Variants in NAV3 observed in about 807,000 individuals in gnomAD.
The protein encoded by NAV3 is pore membrane and/or filament interacting like protein 1.
In NAV3, 87 loss-of-function variants were observed where a neutral mutation model predicts 244.7. The observed-to-expected ratio is 0.36, with a 90% confidence interval of 0.30 to 0.42. NAV3 has a LOEUF of 0.42. NAV3 is among the 20% of genes least tolerant of loss of function. The pLI is 1.00. For missense variants in NAV3, 2,663 were observed against 2,893.3 expected (o/e 0.92, Z 1.83); for synonymous variants, 1,126 against 1,042.2 (o/e 1.08, Z -1.55).
chr12:77,690,209 A>C (rs1464176495), intron 2 of NAV3, among the ~76,000 whole-genome samples: 1 of 151,800 alleles, frequency 6.6e-6, no homozygotes, highest in Non-Finnish European at 1.5e-5. Context: ...CAGTTTTACA[A>C]GTTGTTCTGA....
intron 2 of NAV3, among the ~76,000 whole-genome samples, chr12:77,750,502 C>T (rs1868793618): frequency 6.6e-6 from 1 of 151,570 alleles, no homozygotes; most frequent in African/African-American, 2.4e-5. Context: ...TGGGAATAGC[C>T]ATTGCACTCC....
intron 2 of NAV3, among the ~76,000 whole-genome samples, chr12:77,640,114 AGTTT>A (rs755875773): frequency 6.6e-6 from 1 of 152,156 alleles, no homozygotes; most frequent in Non-Finnish European, 1.5e-5. Flanking sequence ...ATACACATGT[AGTTT>A]GTTTGTTCCC....
intron 2 of NAV3, among the ~76,000 whole-genome samples, chr12:77,656,924 C>A (rs998914030): frequency 2.0e-5 from 3 of 152,030 alleles, no homozygotes; most frequent in Non-Finnish European, 4.4e-5. Flanking sequence ...AACAAAGACA[C>A]AACATACCAG....
chr12:77,768,439 G>T (rs1869897326), intron 2 of NAV3, among the ~76,000 whole-genome samples: 1 of 152,196 alleles, frequency 6.6e-6, no homozygotes, highest in Non-Finnish European at 1.5e-5. Context: ...GCTGCCCTTA[G>T]TGCCCCCTCG....
At chr12:77,905,904 C>T (rs796268898) in intron 1 of NAV3, among the ~76,000 whole-genome samples, 8 of 152,224 alleles carry the variant, frequency 5.3e-5, no homozygotes, top group African/African-American at 1.7e-4. Flanking sequence ...GACATGATGG[C>T]CTGCCAACTC....
intron 2 of NAV3, among the ~76,000 whole-genome samples, chr12:77,766,849 GTTCCAGCAATTC>G (rs1316712302): frequency 2.1e-5 from 3 of 142,398 alleles, no homozygotes; most frequent in Non-Finnish European, 4.5e-5. Context: ...CACCTCCTGG[GTTCCAGCAATTC>G]TTCCTGCCTC....
intron 2 of NAV3, among the ~76,000 whole-genome samples, chr12:77,703,288 T>C (rs1235079185): frequency 6.6e-6 from 1 of 152,116 alleles, no homozygotes; most frequent in Non-Finnish European, 1.5e-5. Flanking sequence ...TAGTACATGA[T>C]CGTGTGTCTG....
Position 78,006,749 on chromosome 12 carries a change from G to C in NAV3, c.1211G>C (p.Ser404Thr), listed in dbSNP as rs758592180. 1 of 1,614,152 alleles carries C rather than the reference G, an allele frequency of 6.2e-7. No homozygotes were observed. The highest frequency in any genetic ancestry group is 1.1e-5 in the South Asian group (1 of 91,080). The change falls in exon 8 of 40, where the codon AGT becomes ACT. Residue 404 changes from serine (S) to threonine (T), a missense_variant. Ser to Thr is a moderately conservative substitution (Grantham distance 58). Coordinates refer to ENST00000397909, the MANE Select transcript of NAV3 (RefSeq NM_001024383.2). ...RTALRPPQPP[S>T]SGPSDGGKDD... Reference sequence around the variant, plus strand: ...GCTTTACGCCCCCCGCAGCCTCCCAGTTCAGGACCTAGTGATGGTGGGAAG... The same window carrying C: ...GCTTTACGCCCCCCGCAGCCTCCCACTTCAGGACCTAGTGATGGTGGGAAG...
At chr12:77,809,418 G>A (rs1872170950) in intron 2 of NAV3, among the ~76,000 whole-genome samples, 1 of 152,186 alleles carries the variant, frequency 6.6e-6, no homozygotes, top group African/African-American at 2.4e-5. Context: ...CCCTTGGCTA[G>A]GGGAGGGAGT....
At position 77,873,744 on chromosome 12, in the gene NAV3, G is replaced by GTGTA. The variant is rs776225440; in HGVS notation, c.243+42041_243+42042insGTAT. Among the ~76,000 whole-genome samples the GTGTA allele has an allele frequency of 4.9e-3, 359 of 73,178 alleles. 11 individuals are homozygous for GTGTA. The highest frequency in any genetic ancestry group is 8.4e-3 in the Non-Finnish European group (289 of 34,512). The allele number at this position is 73,178 out of a possible 152,430, so 48.0% of individuals were successfully genotyped here. Reference sequence around the variant, plus strand: ...CTTATCTAAATACATATGTGTGTGTGTATATATATATATATATATATATGT... The same window carrying GTGTA: ...CTTATCTAAATACATATGTGTGTGTGTGTATATATATATATATATATATATATGT... On this transcript the variant is annotated intron_variant, in intron 1 of 39. Coordinates refer to ENST00000397909, the MANE Select transcript of NAV3 (RefSeq NM_001024383.2).
chr12:77,743,011 G>A (rs913700499), intron 2 of NAV3, among the ~76,000 whole-genome samples: 2 of 151,992 alleles, frequency 1.3e-5, no homozygotes, highest in Non-Finnish European at 2.9e-5. Context: ...GCAGAGAAAA[G>A]TTATACAAGA....
intron 1 of NAV3, among the ~76,000 whole-genome samples, chr12:77,855,658 A>G (rs565839871): frequency 6.6e-6 from 1 of 152,350 alleles, no homozygotes; most frequent in South Asian, 2.1e-4. Context: ...CCCAGACTAA[A>G]GAGGCCCAGA....
intron 12 of NAV3, among the ~76,000 whole-genome samples, chr12:78,076,153 T>A (rs1953038106): frequency 6.6e-6 from 1 of 152,208 alleles, no homozygotes; most frequent in South Asian, 2.1e-4. Context: ...TGCCACAGTT[T>A]ACAATATGAA....
At chr12:77,633,777 T>C (rs1227113173) in intron 2 of NAV3, among the ~76,000 whole-genome samples, 1 of 152,164 alleles carries the variant, frequency 6.6e-6, no homozygotes. Context: ...ATATTACTGA[T>C]CGAGTTTGGG....
chr12:77,911,857 A>T (rs930682500), intron 1 of NAV3, among the ~76,000 whole-genome samples: 7 of 150,054 alleles, frequency 4.7e-5, no homozygotes, highest in Admixed American at 4.6e-4. Context: ...TATACCACTG[A>T]TCATATATTT....
At chr12:77,764,441 A>G (rs537743687) in intron 2 of NAV3, among the ~76,000 whole-genome samples, 10 of 152,362 alleles carry the variant, frequency 6.6e-5, no homozygotes, top group African/African-American at 2.2e-4. Flanking sequence ...TGAAAGGAAT[A>G]TGAAAATAAA....
At chr12:77,862,165 A>G (rs990426049) in intron 1 of NAV3, among the ~76,000 whole-genome samples, 1 of 150,966 alleles carries the variant, frequency 6.6e-6, no homozygotes, top group African/African-American at 2.4e-5. Flanking sequence ...TTTTTTGGTC[A>G]TGGGTCTTTG....
At chr12:78,055,408 A>G (rs1883343084) in intron 11 of NAV3, among the ~76,000 whole-genome samples, 1 of 152,346 alleles carries the variant, frequency 6.6e-6, no homozygotes, top group Admixed American at 6.5e-5. Flanking sequence ...GCAAGAATAC[A>G]TGCAATATAT....
At chr12:77,660,351 T>A (rs1489505238) in intron 2 of NAV3, among the ~76,000 whole-genome samples, 2 of 152,150 alleles carry the variant, frequency 1.3e-5, no homozygotes, top group Non-Finnish European at 2.9e-5. Flanking sequence ...AGAATTTAAG[T>A]CAAATATTGT....
Sources: allele counts gnomAD v4.1 joint callset (sites outside exome capture counted in the v4.1 genomes callset), GRCh38; gene constraint gnomAD v4.1.1; transcripts MANE v1.5; gene names NCBI Gene and HGNC (gene_info 2026-07-23, HGNC 2026-07-21).